Variants in TMEM135 observed in about 807,000 individuals in gnomAD.
TMEM135 encodes the protein transmembrane protein 135.
A neutral mutation model predicts 60.3 loss-of-function variants in TMEM135; 30 were observed. The observed-to-expected ratio is 0.50, with a 90% CI of 0.37 to 0.68. The LOEUF is 0.68. TMEM135 is among the 30% of genes least tolerant of loss of function. The pLI, the probability that TMEM135 is intolerant of heterozygous loss-of-function variation, is 0.00. For missense variants in TMEM135, 468 were observed against 548.8 expected, an observed-to-expected ratio of 0.85 and a Z score of 1.47; for synonymous variants, 190 against 186.7, an observed-to-expected ratio of 1.02 and a Z score of -0.14.
intron 1 of TMEM135, 141 bp downstream of exon 1, chr11:87,038,327 C>A: frequency 2.9e-5 from 10 of 349,744 alleles, no homozygotes; most frequent in East Asian, 5.6e-5. Context: ...TTTGGGGGGT[C>A]GGTAGGGGGA....
chr11:87,075,316 A>ATT (rs945983028), intron 3 of TMEM135, among the ~76,000 whole-genome samples: 5 of 146,458 alleles, frequency 3.4e-5, no homozygotes, highest in African/African-American at 1.2e-4. Flanking sequence ...CCGCCAGCTA[A>ATT]TTTTTTTTTT....
chr11:87,116,620 CACACACACAT>C (rs764428704), intron 4 of TMEM135, among the ~76,000 whole-genome samples: 1 of 101,868 alleles, frequency 9.8e-6, no homozygotes, highest in South Asian at 3.2e-4. Flanking sequence ...TACAAACACA[CACACACACAT>C]ACACACACAC....
At position 87,236,478 on chromosome 11, in the gene TMEM135, C is replaced by T. The variant is rs78273286; in HGVS notation, c.463-160C>T. On this transcript the variant is annotated intron_variant, in intron 5 of 14. Coordinates refer to ENST00000305494, the MANE Select transcript of TMEM135 (RefSeq NM_022918.4). ...TGCAGGCTGCAGGTTGAACAAGCTTCGTTTATATGAAAGGTTGAGGAATAT... is the reference window on the plus strand; with the variant it reads ...TGCAGGCTGCAGGTTGAACAAGCTTTGTTTATATGAAAGGTTGAGGAATAT... Among the ~76,000 whole-genome samples, 1,374 of 151,998 alleles carry T rather than the reference C, an allele frequency of 9.0e-3. 7 individuals carry two copies. The highest frequency in any genetic ancestry group is 0.012 in the Non-Finnish European group (847 of 67,908).
chr11:87,247,621 C>T (rs1941314815), intron 6 of TMEM135, among the ~76,000 whole-genome samples: 1 of 152,200 alleles, frequency 6.6e-6, no homozygotes, highest in Non-Finnish European at 1.5e-5. Context: ...GCTGTGCTAG[C>T]AGTCAGTCAG....
At chr11:87,041,598 T>C (rs1949750666) in intron 1 of TMEM135, among the ~76,000 whole-genome samples, 1 of 152,208 alleles carries the variant, frequency 6.6e-6, no homozygotes, top group South Asian at 2.1e-4. Flanking sequence ...AAGATGATTG[T>C]ACCCATTTTT....
chr11:87,301,256 A>ATT (rs549816973), intron 7 of TMEM135, among the ~76,000 whole-genome samples: 1 of 145,606 alleles, frequency 6.9e-6, no homozygotes, highest in Non-Finnish European at 1.5e-5. Flanking sequence ...CTCAAGTTAC[A>ATT]TTTTTTTTTT....
intron 1 of TMEM135, among the ~76,000 whole-genome samples, chr11:87,058,005 A>C (rs1050031052): frequency 3.6e-4 from 55 of 152,324 alleles, no homozygotes; most frequent in African/African-American, 1.3e-3. Flanking sequence ...TGTAGACCCA[A>C]GAAGAACTGG....
intron 3 of TMEM135, among the ~76,000 whole-genome samples, chr11:87,081,974 T>C (rs995036038): frequency 6.6e-6 from 1 of 152,218 alleles, no homozygotes; most frequent in Non-Finnish European, 1.5e-5. Context: ...TTGATTTAGT[T>C]CTTTTGTTTA....
At chr11:87,097,721 T>A (rs2512328) in intron 4 of TMEM135, among the ~76,000 whole-genome samples, 372 of 151,958 alleles carry the variant, frequency 2.4e-3, no homozygotes, top group African/African-American at 8.4e-3. Context: ...ACAAGCATGC[T>A]TTCTCTTCAG....
chr11:87,044,908 A>G (rs1949781569), intron 1 of TMEM135, among the ~76,000 whole-genome samples: 1 of 151,864 alleles, frequency 6.6e-6, no homozygotes, highest in Non-Finnish European at 1.5e-5. Context: ...CAGCCTCCCA[A>G]AGTGCTGGGA....
rs71040295 is a variant in TMEM135, at chr11:87,129,213, A to ATTTTTTTTTTTTTTTTTTTTTTTTTTT, written c.397-28107_397-28081dup. Among the ~76,000 whole-genome samples, 8 of 116,272 alleles carry ATTTTTTTTTTTTTTTTTTTTTTTTTTT rather than the reference A, an allele frequency of 6.9e-5. 2 individuals are homozygous for ATTTTTTTTTTTTTTTTTTTTTTTTTTT. The highest frequency in any genetic ancestry group is 1.3e-4 in the Non-Finnish European group (7 of 53,252). The allele number at this position is 116,272 out of a possible 152,430, so 76.3% of individuals were successfully genotyped here. The stretch of plus-strand genomic sequence containing the variant: ...TTCTATACATGTTCCTTATTCCTTA[A>ATTTTTTTTTTTTTTTTTTTTTTTTTTT]TTTTTTTTTTTTTTTTTTTTTTTTT... On this transcript the variant is annotated intron_variant, in intron 4 of 14. Transcript: ENST00000305494.
intron 6 of TMEM135, among the ~76,000 whole-genome samples, chr11:87,285,450 T>C (rs12274870): frequency 0.37 from 55,637 of 151,916 alleles, 10,851 homozygotes; most frequent in Non-Finnish European, 0.43. Context: ...TTTCTTCCTT[T>C]TGGTGGGTTC....
intron 5 of TMEM135, among the ~76,000 whole-genome samples, chr11:87,158,489 T>C (rs2135269324): frequency 6.9e-6 from 1 of 144,978 alleles, no homozygotes; most frequent in Admixed American, 7.2e-5. Flanking sequence ...TGAGACAGAG[T>C]CTCACTCTGT....
chr11:87,279,982 A>G (rs1434678220), intron 6 of TMEM135, among the ~76,000 whole-genome samples: 1 of 152,240 alleles, frequency 6.6e-6, no homozygotes, highest in African/African-American at 2.4e-5. Context: ...AGTATTAATT[A>G]CCTGAATTTT....
chr11:87,118,332 G>A (rs541016190), intron 4 of TMEM135, among the ~76,000 whole-genome samples: 46 of 152,278 alleles, frequency 3.0e-4, no homozygotes, highest in African/African-American at 8.2e-4. Context: ...CTCTAGCTGC[G>A]AAAGTCATAG....
chr11:87,120,696 G>C (rs968798682), intron 4 of TMEM135, among the ~76,000 whole-genome samples: 4 of 152,012 alleles, frequency 2.6e-5, no homozygotes, highest in African/African-American at 9.6e-5. Context: ...TCGATCTCCT[G>C]ACCTCATGAT....
chr11:87,084,063 TG>T, intron 3 of TMEM135, among the ~76,000 whole-genome samples: 1 of 152,266 alleles, frequency 6.6e-6, no homozygotes, highest in African/African-American at 2.4e-5. Flanking sequence ...AAGTGTGATA[TG>T]TAGTATTATT....
intron 10 of TMEM135, among the ~76,000 whole-genome samples, chr11:87,311,628 A>G (rs1942642470): frequency 1.3e-5 from 2 of 152,030 alleles, no homozygotes; most frequent in Admixed American, 1.3e-4. Context: ...CTTAGGTAAT[A>G]CAAACAAATG....
At chr11:87,129,213 A>ATTTTTTTTTTTTTTTTTTTT (rs71040295) in intron 4 of TMEM135, among the ~76,000 whole-genome samples, 17 of 116,156 alleles carry the variant, frequency 1.5e-4, no homozygotes, top group Non-Finnish European at 2.4e-4. Context: ...TTATTCCTTA[A>ATTTTTTTTTTTTTTTTTTTT]TTTTTTTTTT....
Sources: allele counts gnomAD v4.1 joint callset (sites outside exome capture counted in the v4.1 genomes callset), GRCh38; gene constraint gnomAD v4.1.1; transcripts MANE v1.5; gene names NCBI Gene and HGNC (gene_info 2026-07-23, HGNC 2026-07-21).